The following MBNL2 variants were observed in gnomAD, a reference collection of about 807,000 sequenced individuals.
MBNL2 encodes the protein muscleblind-like protein 2.
A neutral mutation model predicts 41.9 loss-of-function variants in MBNL2; 17 were observed. The observed-to-expected ratio is 0.41, with a 90% CI of 0.28 to 0.61. The LOEUF is 0.61. Among genes scored for constraint, MBNL2 ranks in the 20% least tolerant of loss-of-function variants. The pLI is 0.35. For missense variants in MBNL2, 336 were observed against 505.6 expected (o/e 0.66, Z 3.22); for synonymous variants, 195 against 182.9 (o/e 1.07, Z -0.53).
At chr13:97,308,372 C>T (rs139531386) in intron 2 of MBNL2, among the ~76,000 whole-genome samples, 1 of 152,304 alleles carries the variant, frequency 6.6e-6, no homozygotes, top group East Asian at 1.9e-4. Flanking sequence ...GGAAGAATTT[C>T]AAACATTTGG....
intron 2 of MBNL2, among the ~76,000 whole-genome samples, chr13:97,310,563 G>A (rs1376232260): frequency 1.3e-5 from 2 of 151,776 alleles, no homozygotes; most frequent in Non-Finnish European, 2.9e-5. Context: ...CTGAGTAGCT[G>A]GGACTACAGG....
rs186573781 is a variant in MBNL2, at chr13:97,326,796, A to C, written c.175-7480A>C. Among the ~76,000 whole-genome samples the C allele has an allele frequency of 9.6e-4, 147 of 152,378 alleles. 1 individual carries two copies. The highest frequency in any genetic ancestry group is 1.6e-3 in the Admixed American group (25 of 15,308). ...ACTTGCCTTAGAGTAGAGCTATTTC[A>C]GTCTCATAGTTAATGTCATAAATTA... is the stretch of plus-strand genomic sequence containing the variant. On this transcript the variant is annotated intron_variant, in intron 2 of 8. Coordinates refer to ENST00000679496, the MANE Select transcript of MBNL2 (RefSeq NM_001382683.1).
At chr13:97,371,431 AC>A (rs1353136414) in intron 8 of MBNL2, among the ~76,000 whole-genome samples, 2 of 152,170 alleles carry the variant, frequency 1.3e-5, no homozygotes, top group African/African-American at 4.8e-5. Flanking sequence ...ATGCAAGTCT[AC>A]AAAGAAAGCT....
chr13:97,142,472 C>A, the MBNL2 span, among the ~76,000 whole-genome samples: 1 of 152,190 alleles, frequency 6.6e-6, no homozygotes, highest in Non-Finnish European at 1.5e-5. Flanking sequence ...TGTGAAAACT[C>A]GATAGTTCTT....
intron 3 of MBNL2, among the ~76,000 whole-genome samples, chr13:97,342,683 C>G (rs2061530186): frequency 6.6e-6 from 1 of 152,124 alleles, no homozygotes; most frequent in Admixed American, 6.5e-5. Flanking sequence ...TATTCTATAG[C>G]TTTTACTACC....
chr13:97,367,962 G>A (rs2063998668), intron 8 of MBNL2, among the ~76,000 whole-genome samples: 1 of 152,164 alleles, frequency 6.6e-6, no homozygotes, highest in Non-Finnish European at 1.5e-5. Flanking sequence ...GAGACTGTTT[G>A]CATCTTTCCA....
At chr13:97,367,414 C>T in intron 8 of MBNL2, among the ~76,000 whole-genome samples, 1 of 152,148 alleles carries the variant, frequency 6.6e-6, no homozygotes. Flanking sequence ...CACAGAAGAA[C>T]AATTTTGGTT....
intron 2 of MBNL2, among the ~76,000 whole-genome samples, chr13:97,286,197 C>T (rs1334471680): frequency 6.6e-6 from 1 of 152,200 alleles, no homozygotes; most frequent in Non-Finnish European, 1.5e-5. Context: ...TTAATGACAT[C>T]TCAAATTTAA....
intron 5 of MBNL2, among the ~76,000 whole-genome samples, chr13:97,351,287 T>C (rs539185896): frequency 6.6e-6 from 1 of 152,390 alleles, no homozygotes; most frequent in African/African-American, 2.4e-5. Flanking sequence ...GTTTCATTTC[T>C]AGAGCATAGG....
At chr13:97,195,550 TTGAC>T in the MBNL2 span, among the ~76,000 whole-genome samples, 7 of 152,230 alleles carry the variant, frequency 4.6e-5, no homozygotes, top group African/African-American at 7.2e-5. Context: ...ATAACTGTCT[TTGAC>T]TGCTCATTTT....
chr13:97,155,893 A>T, the MBNL2 span, among the ~76,000 whole-genome samples: 1 of 133,464 alleles, frequency 7.5e-6, no homozygotes, highest in Admixed American at 7.7e-5. Context: ...ATGATTTATA[A>T]TCCTTTGGGT....
chr13:97,223,381 C>A (rs931383930), intron 1 of MBNL2, among the ~76,000 whole-genome samples: 1 of 152,154 alleles, frequency 6.6e-6, no homozygotes, highest in Non-Finnish European at 1.5e-5. Flanking sequence ...ACACACTTGG[C>A]CCAGGAGAAG....
At chr13:97,172,579 A>G in the MBNL2 span, 2 of 152,216 alleles carry the variant, frequency 1.3e-5, no homozygotes, top group Non-Finnish European at 2.9e-5. Context: ...TTAGATATCA[A>G]GGAAGCTTAC....
the MBNL2 span, among the ~76,000 whole-genome samples, chr13:97,141,841 G>A: frequency 1.3e-5 from 2 of 152,216 alleles, no homozygotes; most frequent in Non-Finnish European, 2.9e-5. Context: ...TTCAGAGGCA[G>A]ATGGAAGGCA....
At chr13:97,265,426 G>A (rs2049537746) in intron 1 of MBNL2, among the ~76,000 whole-genome samples, 1 of 152,108 alleles carries the variant, frequency 6.6e-6, no homozygotes, top group South Asian at 2.1e-4. Context: ...GTAAAATGAA[G>A]ATATCATTGT....
intron 8 of MBNL2, among the ~76,000 whole-genome samples, chr13:97,383,670 C>T (rs1261922354): frequency 6.6e-6 from 1 of 152,142 alleles, no homozygotes. Flanking sequence ...ACGGACATTA[C>T]AACCTCAGTG....
the MBNL2 span, among the ~76,000 whole-genome samples, chr13:97,197,618 T>A: frequency 6.6e-6 from 1 of 152,208 alleles, no homozygotes; most frequent in Non-Finnish European, 1.5e-5. Flanking sequence ...TCTTATTTAA[T>A]TCTCTTGATA....
chr13:97,281,794 C>T (rs969946607), intron 2 of MBNL2, among the ~76,000 whole-genome samples: 6 of 152,182 alleles, frequency 3.9e-5, no homozygotes, highest in African/African-American at 1.4e-4. Context: ...ATTCCAATAA[C>T]TCTGTCAGGT....
At chr13:97,367,383 T>G (rs2063936654) in intron 8 of MBNL2, among the ~76,000 whole-genome samples, 1 of 152,194 alleles carries the variant, frequency 6.6e-6, no homozygotes, top group Non-Finnish European at 1.5e-5. Context: ...GAAGAATACT[T>G]CATTGCGCAT....
Sources: gnomAD v4.1 joint callset for allele counts (sites outside exome capture counted in the v4.1 genomes callset) on GRCh38, gnomAD v4.1.1 for gene constraint, MANE v1.5 for transcripts, NCBI Gene and HGNC (gene_info 2026-07-23, HGNC 2026-07-21) for gene names.